The following RABGAP1L variants were observed in gnomAD, a reference collection of about 807,000 sequenced individuals.
RABGAP1L encodes the protein rab GTPase-activating protein 1-like.
Under a neutral mutation model 137.7 loss-of-function variants are expected in RABGAP1L, and 63 were observed. The ratio of observed to expected loss-of-function variants is 0.46; its 90% confidence interval spans 0.37 to 0.56. The LOEUF (loss-of-function observed/expected upper bound fraction) is 0.56. Among genes scored for constraint, RABGAP1L ranks in the 20% least tolerant of loss-of-function variants. The pLI, the probability that RABGAP1L is intolerant of heterozygous loss-of-function variation, is 0.00. For synonymous variants in RABGAP1L, 431 were observed against 433.7 expected, an observed-to-expected ratio of 0.99 and a Z score of 0.08; for missense variants, 1,095 against 1,244.0, an observed-to-expected ratio of 0.88 and a Z score of 1.80.
At chr1:174,462,870 T>G (rs1656846879) in intron 13 of RABGAP1L, among the ~76,000 whole-genome samples, 1 of 152,172 alleles carries the variant, frequency 6.6e-6, no homozygotes, top group African/African-American at 2.4e-5. Context: ...TCAAAAATTC[T>G]CAAAAGAAGA....
intron 13 of RABGAP1L, among the ~76,000 whole-genome samples, chr1:174,623,103 A>G (rs1207875805): frequency 1.3e-5 from 2 of 152,194 alleles, no homozygotes; most frequent in Admixed American, 6.5e-5. Context: ...GTTCTAATAT[A>G]TTTAGCTTTG....
intron 13 of RABGAP1L, among the ~76,000 whole-genome samples, chr1:174,619,031 A>G (rs1479791427): frequency 6.6e-6 from 1 of 152,248 alleles, no homozygotes; most frequent in East Asian, 1.9e-4. Flanking sequence ...ACTGGAAGAA[A>G]GGGTATCAGT....
chr1:174,935,984 C>CA (rs58215269), intron 19 of RABGAP1L, among the ~76,000 whole-genome samples: 4,807 of 40,866 alleles, frequency 0.12, 83 homozygotes, highest in African/African-American at 0.15. Flanking sequence ...TCCATCTCAC[C>CA]AAAAAAAAAA....
At chr1:174,327,956 AAT>A (rs1180255952) in intron 11 of RABGAP1L, among the ~76,000 whole-genome samples, 2,045 of 97,900 alleles carry the variant, frequency 0.021, 83 homozygotes, top group East Asian at 0.12. Flanking sequence ...AACAGTTGTA[AAT>A]ATATATATAT....
At position 174,601,774 on chromosome 1, in the gene RABGAP1L, G is replaced by A. The variant is rs570540617; in HGVS notation, c.1711-35601G>A. ...ATGCTTTTAAAAGCACCCAAGTCAC[G>A]TTTTGAATGCTTTGCTGCTTAGAAA... On this transcript the variant is annotated intron_variant, in intron 13 of 25. Coordinates refer to ENST00000681986, the MANE Select transcript of RABGAP1L (RefSeq NM_001366446.1). 9.9e-5 allele frequency among the ~76,000 whole-genome samples: 15 copies of A among 151,872 alleles called. No individual in the cohort carries two copies. In the East Asian group the frequency reaches 1.7e-3, roughly 18 times the overall value.
At chr1:174,829,201 T>C (rs905581355) in intron 19 of RABGAP1L, among the ~76,000 whole-genome samples, 1 of 147,950 alleles carries the variant, frequency 6.8e-6, no homozygotes. Flanking sequence ...TTTATTGAGG[T>C]AACAAACCCT....
chr1:174,310,081 T>C (rs1293198759), intron 11 of RABGAP1L, among the ~76,000 whole-genome samples: 1 of 152,146 alleles, frequency 6.6e-6, no homozygotes. Flanking sequence ...TCTTGATAAT[T>C]CAATCTTGGT....
At chr1:174,187,821 G>A (rs1666920255) in intron 1 of RABGAP1L, among the ~76,000 whole-genome samples, 1 of 152,048 alleles carries the variant, frequency 6.6e-6, no homozygotes, top group Non-Finnish European at 1.5e-5. Flanking sequence ...CTCTAAATTA[G>A]AGTTTTCTTT....
intron 1 of RABGAP1L, among the ~76,000 whole-genome samples, chr1:174,198,983 C>A (rs561550918): frequency 1.3e-5 from 2 of 152,316 alleles, no homozygotes; most frequent in African/African-American, 4.8e-5. Context: ...TGGCGCATGC[C>A]TGTAATCCCA....
At chr1:174,334,195 C>T (rs1017007409) in intron 11 of RABGAP1L, among the ~76,000 whole-genome samples, 1 of 152,244 alleles carries the variant, frequency 6.6e-6, no homozygotes, top group Middle Eastern at 3.4e-3. Flanking sequence ...TGACGGATAC[C>T]CGATTCTCCC....
intron 19 of RABGAP1L, among the ~76,000 whole-genome samples, chr1:174,947,219 T>G (rs1667026894): frequency 8.5e-6 from 1 of 117,312 alleles, no homozygotes; most frequent in African/African-American, 5.2e-5. Context: ...TTTCTTTTTT[T>G]TTTTTTCAGA....
At chr1:174,367,965 G>A (rs1014729062) in intron 11 of RABGAP1L, 1 of 153,344 alleles carries the variant, frequency 6.5e-6, no homozygotes, top group Admixed American at 6.5e-5. Context: ...TTGTCAAGGT[G>A]TTTGTTGCTG....
At chr1:174,919,595 T>A (rs1247158805) in intron 19 of RABGAP1L, among the ~76,000 whole-genome samples, 3 of 152,222 alleles carry the variant, frequency 2.0e-5, no homozygotes, top group Non-Finnish European at 4.4e-5. Context: ...GGCTCACTCC[T>A]GTAATCTCAG....
chr1:174,609,988 T>A (rs1038639978), intron 13 of RABGAP1L, among the ~76,000 whole-genome samples: 5 of 151,464 alleles, frequency 3.3e-5, no homozygotes, highest in African/African-American at 1.2e-4. Context: ...GTAAAATTAT[T>A]TTTATATATC....
chr1:174,258,383 C>G (rs547225832), intron 7 of RABGAP1L, among the ~76,000 whole-genome samples: 1 of 152,188 alleles, frequency 6.6e-6, no homozygotes, highest in Non-Finnish European at 1.5e-5. Context: ...TGCCTAGGCT[C>G]AAGCGATCCT....
chr1:174,438,732 A>G (rs12033657), intron 13 of RABGAP1L, among the ~76,000 whole-genome samples: 2 of 110,576 alleles, frequency 1.8e-5, no homozygotes, highest in Non-Finnish European at 1.8e-5. Flanking sequence ...AACCCAAAAA[A>G]AGTGTGTGTG....
intron 14 of RABGAP1L, among the ~76,000 whole-genome samples, chr1:174,681,055 C>CT (rs1470366205): frequency 6.6e-6 from 1 of 152,130 alleles, no homozygotes; most frequent in African/African-American, 2.4e-5. Flanking sequence ...AGGAAAAAGA[C>CT]TGACAGTATC....
intron 10 of RABGAP1L, among the ~76,000 whole-genome samples, chr1:174,282,037 T>A (rs964109123): frequency 2.0e-5 from 3 of 152,250 alleles, no homozygotes; most frequent in African/African-American, 7.2e-5. Context: ...GTTATTCCTT[T>A]GTATAGCTGT....
chr1:174,778,081 G>A (rs577637763), intron 18 of RABGAP1L, among the ~76,000 whole-genome samples: 22 of 152,134 alleles, frequency 1.4e-4, no homozygotes, highest in African/African-American at 4.8e-4. Flanking sequence ...CCAAGCAAAA[G>A]AAATATGAAG....
Sources: allele counts gnomAD v4.1 joint callset (sites outside exome capture counted in the v4.1 genomes callset), GRCh38; gene constraint gnomAD v4.1.1; transcripts MANE v1.5; gene names NCBI Gene and HGNC (gene_info 2026-07-23, HGNC 2026-07-21).